The following ZNF695 variants were observed in gnomAD, a reference collection of about 807,000 sequenced individuals.
The protein encoded by ZNF695 is zinc finger protein 695.
ZNF695 carries 11 observed loss-of-function variants against 11.2 expected under a neutral mutation model. That is an observed-to-expected ratio of 0.98 (90% CI 0.62 to 1.62). ZNF695 has a LOEUF of 1.62. Ranked by LOEUF, ZNF695 falls within the 40% of genes most tolerant of loss-of-function variation. The pLI is 0.00. For missense variants in ZNF695, 559 were observed against 590.5 expected (o/e 0.95, Z 0.55); for synonymous variants, 190 against 201.4 (o/e 0.94, Z 0.48).
In ZNF695 at chr1:246,985,488, T is replaced by C; in HGVS notation, c.*1479A>G. 2.0e-6 allele frequency: 2 copies of C among 985,408 alleles called. No homozygotes were observed. Among genetic ancestry groups the C allele is most frequent in the Non-Finnish European group, 2.4e-6 (2 of 829,902 alleles). 61.0% of individuals were successfully genotyped at this position (985,408 alleles called of 1,614,324 possible). A position where few individuals can be genotyped will look rare whatever the true frequency, so the allele number is the denominator to read the frequency against. Reference sequence around the variant, plus strand: ...GATCATTAGAGATACTATTCCACCATGTTACCCACTATTGTATTGTTACCA... The same window carrying C: ...GATCATTAGAGATACTATTCCACCACGTTACCCACTATTGTATTGTTACCA... On this transcript the variant is annotated 3_prime_UTR_variant, in exon 4 of 4. Transcript: ENST00000339986.
intron 3 of ZNF695, 21 bp from the exon 4 acceptor site, chr1:246,988,276 A>G: frequency 4.0e-6 from 6 of 1,509,768 alleles, no homozygotes; most frequent in Non-Finnish European, 5.3e-6. Flanking sequence ...TAAAAACAAC[A>G]AATTATTCCA....
chr1:246,955,291 C>T (rs954167982), intron 5 of ZNF695, among the ~76,000 whole-genome samples: 2 of 152,168 alleles, frequency 1.3e-5, no homozygotes, highest in Non-Finnish European at 2.9e-5. Context: ...GGCTACAAAC[C>T]TGTACAGCAT....
intron 5 of ZNF695, among the ~76,000 whole-genome samples, chr1:246,956,597 CAG>C (rs1198685654): frequency 2.0e-5 from 3 of 152,110 alleles, no homozygotes; most frequent in Non-Finnish European, 4.4e-5. Flanking sequence ...GCCTGGGGGA[CAG>C]AGTGAGACTC....
At chr1:246,954,411 T>C (rs1014075960) in intron 5 of ZNF695, among the ~76,000 whole-genome samples, 2 of 152,178 alleles carry the variant, frequency 1.3e-5, no homozygotes, top group African/African-American at 2.4e-5. Context: ...CAGCCCGAAT[T>C]GCTGGAGAAG....
chr1:246,958,612 G>A (rs1298553072), intron 5 of ZNF695, among the ~76,000 whole-genome samples: 1 of 152,146 alleles, frequency 6.6e-6, no homozygotes, highest in Non-Finnish European at 1.5e-5. Flanking sequence ...ATGATCCTGA[G>A]TGAATGATCC....
chr1:246,977,322 T>A (rs1300490672), intron 4 of ZNF695, among the ~76,000 whole-genome samples: 6 of 152,332 alleles, frequency 3.9e-5, no homozygotes, highest in Non-Finnish European at 8.8e-5. Flanking sequence ...AGTGGTGTGA[T>A]CTTGGCTCAC....
In ZNF695 at chr1:246,987,502, T is replaced by C. The variant is rs140747159; in HGVS notation, c.1013A>G (p.Tyr338Cys). 21 of 1,607,788 alleles carry C rather than the reference T, an allele frequency of 1.3e-5. No homozygotes were observed. In the East Asian group the frequency reaches 4.7e-4, roughly 36 times the overall value. ...ATGAATTCTTCTATGTTGAGTAAGG[T>C]ATGACAACAATTTAAAGACTTTGCC... Reference protein sequence around the residue: ...ECGKVFKLLSYLTQHRRIHTG... With the variant: ...ECGKVFKLLSCLTQHRRIHTG... Residue 338 changes from tyrosine to cysteine, a missense_variant, in exon 4 of 4, where the codon TAC becomes TGC. Transcript: ENST00000339986.
intron 5 of ZNF695, among the ~76,000 whole-genome samples, chr1:246,954,808 G>T (rs1406427797): frequency 6.6e-6 from 1 of 152,120 alleles, no homozygotes; most frequent in Non-Finnish European, 1.5e-5. Context: ...TAATAACTGA[G>T]AAAATAAAAA....
At chr1:247,001,996 C>T (rs1026392332) in intron 1 of ZNF695, among the ~76,000 whole-genome samples, 31 of 151,938 alleles carry the variant, frequency 2.0e-4, no homozygotes, top group Admixed American at 2.0e-3. Context: ...GGACGTAATA[C>T]ACATCTACAG....
chr1:246,973,964 G>A (rs1409750140), intron 4 of ZNF695, among the ~76,000 whole-genome samples: 1 of 152,024 alleles, frequency 6.6e-6, no homozygotes, highest in East Asian at 1.9e-4. Flanking sequence ...CTCCCTCCCA[G>A]GTTGCCTGTC....
Position 246,958,581 on chromosome 1 carries a change from G to A in ZNF695, c.488+9114C>T, listed in dbSNP as rs1031696544. ...ACATCCTCAGCTAGTCCCCAGCCAT[G>A]AGCAAGCATCAGCTGCTGTCATGAT... is the stretch of plus-strand genomic sequence containing the variant. On this transcript the variant is annotated intron_variant, in intron 5 of 5. Coordinates refer to the ZNF695 transcript ENST00000487338. Among the ~76,000 whole-genome samples the A allele has an allele frequency of 5.3e-5, 8 of 152,156 alleles. No individual in the cohort carries two copies. The East Asian group carries it at 5.8e-4, about 11-fold the overall frequency.
chr1:246,975,554 T>C (rs1181783302), intron 4 of ZNF695, among the ~76,000 whole-genome samples: 2 of 152,158 alleles, frequency 1.3e-5, no homozygotes, highest in African/African-American at 4.8e-5. Flanking sequence ...GGAGCAATAA[T>C]ACAGTGCTTC....
intron 4 of ZNF695, among the ~76,000 whole-genome samples, chr1:246,976,699 C>T (rs943505905): frequency 3.3e-5 from 5 of 151,988 alleles, no homozygotes; most frequent in Admixed American, 2.6e-4. Flanking sequence ...GAGGCTGAGG[C>T]AGAAGAATGG....
At chr1:246,990,521 T>C (rs1669001510) in intron 3 of ZNF695, among the ~76,000 whole-genome samples, 1 of 152,218 alleles carries the variant, frequency 6.6e-6, no homozygotes, top group Non-Finnish European at 1.5e-5. Context: ...AACCGCTATA[T>C]ACTTCAGGAC....
chr1:246,973,346 GC>G (rs1226796816), intron 4 of ZNF695, among the ~76,000 whole-genome samples: 1 of 152,198 alleles, frequency 6.6e-6, no homozygotes, highest in Non-Finnish European at 1.5e-5. Context: ...ACCGTGCCCG[GC>G]CGAACGTCAC....
At chr1:246,950,868 T>G (rs1667855839) in intron 5 of ZNF695, among the ~76,000 whole-genome samples, 1 of 152,066 alleles carries the variant, frequency 6.6e-6, no homozygotes, top group South Asian at 2.1e-4. Context: ...CTGTGAAAAT[T>G]AAATGAGTAA....
chr1:247,006,022 G>A (rs957310296), intron 1 of ZNF695, among the ~76,000 whole-genome samples: 23 of 151,984 alleles, frequency 1.5e-4, no homozygotes, highest in African/African-American at 5.5e-4. Context: ...TCAGGAGATC[G>A]AGATCATCCT....
chr1:246,994,261 C>T (rs975175168), intron 3 of ZNF695, among the ~76,000 whole-genome samples: 5 of 152,056 alleles, frequency 3.3e-5, no homozygotes, highest in African/African-American at 1.2e-4. Context: ...ATTGTTGTGG[C>T]CAGACGCAGT....
chr1:247,006,149 C>T (rs1156757861), intron 1 of ZNF695, among the ~76,000 whole-genome samples: 2 of 150,354 alleles, frequency 1.3e-5, no homozygotes, highest in African/African-American at 2.4e-5. Flanking sequence ...CGCTTGAACC[C>T]GGGAGGCAGA....
Sources: gnomAD v4.1 joint callset for allele counts (sites outside exome capture counted in the v4.1 genomes callset) on GRCh38, gnomAD v4.1.1 for gene constraint, MANE v1.5 for transcripts, NCBI Gene and HGNC (gene_info 2026-07-23, HGNC 2026-07-21) for gene names.